The following P3H3 variants were observed in gnomAD, a reference collection of about 807,000 sequenced individuals.
P3H3 encodes the protein gene rich cluster, B.
A neutral mutation model predicts 78.1 loss-of-function variants in P3H3; 64 were observed. That is an observed-to-expected ratio of 0.82 (90% confidence interval 0.67 to 1.01). P3H3 has a LOEUF of 1.01. Among genes scored for constraint, P3H3 ranks in the 50% least tolerant of loss-of-function variants. The pLI, the probability that P3H3 is intolerant of heterozygous loss-of-function variation, is 0.00. For synonymous variants in P3H3, 425 were observed against 416.7 expected (o/e 1.02, Z -0.24); for missense variants, 975 against 982.2 (o/e 0.99, Z 0.10).
chr12:6,833,442 C>A, intron 6 of P3H3, 150 bp from the exon 7 acceptor site: 1 of 706,150 alleles, frequency 1.4e-6, no homozygotes, highest in Non-Finnish European at 2.5e-6. Flanking sequence ...GATCCACTGC[C>A]CAGGGCTCCT....
At chr12:6,832,082 G>C (rs1943455983) in intron 6 of P3H3, among the ~76,000 whole-genome samples, 168 bp downstream of exon 6, 1 of 152,136 alleles carries the variant, frequency 6.6e-6, no homozygotes. Context: ...GGCGGCTTTG[G>C]GGTCACGCAG....
intron 4 of P3H3, 89 bp downstream of exon 4, chr12:6,830,859 T>C (rs1555121309): frequency 6.4e-7 from 1 of 1,568,180 alleles, no homozygotes; most frequent in Non-Finnish European, 8.8e-7. Context: ...CATCTGTCTC[T>C]GGATTTGTAG....
At position 6,837,029 on chromosome 12, in the gene P3H3, C is replaced by T. The variant is rs782329350; in HGVS notation, c.1503C>T (p.Arg501=). The change falls in exon 10 of 15, where the codon CGC becomes CGT. Residue 501 remains arginine (R), a synonymous_variant. Coordinates refer to ENST00000290510, the MANE Select transcript of P3H3 (RefSeq NM_014262.5). The stretch of plus-strand genomic sequence containing the variant: ...CCAGGTCTGGCTATCGTGGTCGCCG[C>T]TCCCCTCACACCCCCCATGAACGCT... ...AGARSGYRGR[R]SPHTPHERFE... is the part of the protein sequence containing the mutation. 1.6e-4 allele frequency: 265 copies of T among 1,609,144 alleles called. 8 individuals carry two copies. In the South Asian group the frequency reaches 2.8e-3, roughly 17 times the overall value.
chr12:6,831,192 C>A lies in P3H3; in HGVS notation c.986-24C>A. Reference sequence around the variant, plus strand: ...GCTCTAAGTATTCATCCCCCAACCCCTGACCTTGTCGCTCCCTCTCCAGTG... The same window carrying A: ...GCTCTAAGTATTCATCCCCCAACCCATGACCTTGTCGCTCCCTCTCCAGTG... On this transcript the variant is annotated intron_variant, in intron 4 of 14. Transcript: ENST00000290510. The surrounding 1 kb of genome is among the most constrained non-coding windows in gnomAD (Gnocchi z 4.6). 1 of 1,613,742 alleles carries A rather than the reference C, an allele frequency of 6.2e-7. No individual in the cohort carries two copies. The highest frequency in any genetic ancestry group is 1.1e-5 in the South Asian group (1 of 91,066).
chr12:6,839,009 C>G lies in P3H3; in HGVS notation c.1915C>G (p.Arg639Gly), dbSNP rs564066668. Reference protein sequence around the residue: ...PNALTVTARVRPRCGRLVAFS... With the variant: ...PNALTVTARVGPRCGRLVAFS... ...GCCCTCATCCCTCCAGGCTCGGGTG[C>G]GTCCTCGCTGTGGGCGCCTTGTGGC... Residue 639 changes from arginine to glycine, a missense_variant, in exon 14 of 15, where the codon CGT (arginine) becomes GGT (glycine). By Grantham distance (125) the Arg-to-Gly change is moderately radical (BLOSUM62 -2). Transcript: ENST00000290510. 1.3e-6 allele frequency: 2 copies of G among 1,596,272 alleles called. No individual in the cohort carries two copies. The highest frequency in any genetic ancestry group is 1.7e-6 in the Non-Finnish European group (2 of 1,171,606).
chr12:6,837,863 C>T lies in P3H3; in HGVS notation c.1829+14C>T, dbSNP rs368255790. 1.9e-6 allele frequency: 3 copies of T among 1,602,090 alleles called. No homozygotes were observed. In the South Asian group the frequency reaches 3.4e-5, roughly 18 times the overall value. On this transcript the variant is annotated intron_variant, in intron 12 of 14. Transcript: ENST00000290510. ...TCGGGACTACAGGTGGGCAGCCCCT[C>T]TAGTGGTCAGGCAGGTGGGCAGACA...
chr12:6,833,753 A>T lies in P3H3; in HGVS notation c.1277A>T (p.Glu426Val), dbSNP rs782082564. 1.9e-6 allele frequency: 3 copies of T among 1,610,006 alleles called. No individual in the cohort carries two copies. In the Admixed American group the frequency reaches 5.0e-5, roughly 27 times the overall value. ...ALREKLREDQ[E>V]KRPWDHEPVK... ...CTCTCACCCCTGAGAGAGGATCAAG[A>T]GAAGAGGCCTTGGGACCATGAGCCC... Residue 426 changes from glutamate to valine, a missense_variant, in exon 8 of 15, where the codon GAG (glutamate) becomes GTG (valine). Glu to Val is a moderately radical substitution (Grantham distance 121). Transcript: ENST00000290510.
At position 6,829,045 on chromosome 12, in the gene P3H3, G is replaced by A. The variant is rs1555120922; in HGVS notation, c.498+107G>A. 4.3e-6 allele frequency: 3 copies of A among 698,460 alleles called. No homozygotes were observed. Among genetic ancestry groups the A allele is most frequent in the Admixed American group, 4.3e-5 (1 of 23,038 alleles). The allele number at this position is 698,460 out of a possible 1,614,324, so 43.3% of individuals were successfully genotyped here. A position where few individuals can be genotyped will look rare whatever the true frequency, so the allele number is the denominator to read the frequency against. On this transcript the variant is annotated intron_variant, in intron 1 of 14. Transcript: ENST00000290510. This position sits in a 1 kb window ranked among gnomAD's most constrained non-coding sequence, Gnocchi z 5.1. ...GAATGCTGTTGCCCGGGCCCCGCACGGGGCTGGGGAGCGTACCGCGGGCCT... is the reference window on the plus strand; with the variant it reads ...GAATGCTGTTGCCCGGGCCCCGCACAGGGCTGGGGAGCGTACCGCGGGCCT...
Position 6,828,833 on chromosome 12 carries a change from G to C in P3H3, c.393G>C (p.Arg131=), listed in dbSNP as rs1943412932. ...RADCLTQCAA[R]RLGPGGAARL... ...ACTGCCTGACCCAGTGCGCAGCACG[G>C]AGGCTGGGCCCCGGGGGCGCGGCGC... The change falls in exon 1 of 15, where the codon CGG becomes CGC. Residue 131 remains arginine (R), a synonymous_variant. Coordinates refer to ENST00000290510, the MANE Select transcript of P3H3 (RefSeq NM_014262.5). 8.0e-7 allele frequency: 1 copy of C among 1,242,638 alleles called. No individual in the cohort carries two copies. Among genetic ancestry groups the C allele is most frequent in the African/African-American group, 1.6e-5 (1 of 64,366 alleles). The allele number at this position is 1,242,638 out of a possible 1,614,324, so 77.0% of individuals were successfully genotyped here.
In P3H3 at chr12:6,837,739, A is replaced by G; in HGVS notation, c.1719A>G (p.Gln573=). The G allele has an allele frequency of 6.2e-7, 1 of 1,611,834 alleles. No individual in the cohort carries two copies. The highest frequency in any genetic ancestry group is 8.5e-7 in the Non-Finnish European group (1 of 1,178,960). ...LVCRSAIEGE[Q]EQRMDLSHPV... is the part of the protein sequence containing the mutation. ...GACCCCTTTGTGTCCTAGGAGAGCA[A>G]GAGCAGCGCATGGACCTGAGTCACC... is the stretch of plus-strand genomic sequence containing the variant. The change falls in exon 12 of 15, where the codon CAA becomes CAG. Residue 573 remains glutamine, a synonymous_variant. Transcript: ENST00000290510.
In P3H3 at chr12:6,830,430, T is replaced by A; in HGVS notation, c.729T>A (p.Leu243=). ...CACTGCCCAGGCTAGAGGAGGCTCT[T>A]CAGGGGAGCCTGGCCCAGATGGAGA... ...GLALPRLEEA[L]QGSLAQMESC... Residue 243 remains leucine, a synonymous_variant, in exon 3 of 15, where the codon CTT becomes CTA. Coordinates refer to ENST00000290510, the MANE Select transcript of P3H3 (RefSeq NM_014262.5). The A allele has an allele frequency of 6.3e-7, 1 of 1,587,238 alleles. No individual in the cohort carries two copies. The highest frequency in any genetic ancestry group is 8.6e-7 in the Non-Finnish European group (1 of 1,168,024).
At chr12:6,836,847 A>G (rs1297531276) in intron 9 of P3H3, 138 bp from the exon 10 acceptor site, 1 of 635,648 alleles carries the variant, frequency 1.6e-6, no homozygotes, top group Non-Finnish European at 2.8e-6. Context: ...GCAGCAGCTC[A>G]GGAAGACGAG....
intron 13 of P3H3, 128 bp downstream of exon 13, chr12:6,838,161 T>TC: frequency 8.2e-7 from 1 of 1,222,682 alleles, no homozygotes; most frequent in Non-Finnish European, 1.1e-6. Flanking sequence ...CTTCCCCGCC[T>TC]CCGCAGCCCT....
Position 6,837,094 on chromosome 12 carries a change from C to T in P3H3, c.1560+8C>T. ...GTGCTTAAGGCTGCGCAGGTGAGCA[C>T]AGGAGGCACCCGGGCCCGTCTGATG... On this transcript the variant is annotated splice_region_variant and intron_variant, in intron 10 of 14. Transcript: ENST00000290510. 6.3e-7 allele frequency: 1 copy of T among 1,597,534 alleles called. No individual in the cohort carries two copies. The highest frequency in any genetic ancestry group is 1.1e-5 in the South Asian group (1 of 90,976).
Position 6,833,986 on chromosome 12 carries a change from G to A in P3H3, c.1395G>A (p.Glu465=). 1.2e-6 allele frequency: 2 copies of A among 1,613,926 alleles called. No homozygotes were observed. Among genetic ancestry groups the A allele is most frequent in the African/African-American group, 2.7e-5 (2 of 75,072 alleles). The change falls in exon 9 of 15, where the codon GAG becomes GAA. Residue 465 remains glutamate (E), a synonymous_variant. Transcript: ENST00000290510. ...TQDSRQLNGS[E]RAVLDGLLTP... ...ATTCCAGGCAGCTGAATGGGTCGGA[G>A]CGGGCGGTGTTGGATGGGCTGCTCA...
In P3H3 at chr12:6,828,419, G is replaced by A. The variant is rs781854295; in HGVS notation, c.-22G>A. 4.2e-4 allele frequency: 140 copies of A among 336,352 alleles called. No individual in the cohort carries two copies. The East Asian group carries it at 0.012, about 28-fold the overall frequency. The allele number at this position is 336,352 out of a possible 1,614,324, so 20.8% of individuals were successfully genotyped here. On this transcript the variant is annotated 5_prime_UTR_variant, in exon 1 of 15. Transcript: ENST00000290510. ...CCTCTCGGCTCCCGCATTTCCCCTC[G>A]GCTGCCGGCGGCTCCGACATCATGC...
At chr12:6,830,928 T>C in intron 4 of P3H3, 158 bp downstream of exon 4, 1 of 1,113,666 alleles carries the variant, frequency 9.0e-7, no homozygotes, top group South Asian at 1.3e-5. Flanking sequence ...TTTGCCCTCC[T>C]TTGGCGCCTG....
In P3H3 at chr12:6,831,475, T is replaced by TC. The variant is rs1943450641; in HGVS notation, c.1122+125dup. On this transcript the variant is annotated intron_variant, in intron 5 of 14. Coordinates refer to ENST00000290510, the MANE Select transcript of P3H3 (RefSeq NM_014262.5). The surrounding 1 kb of genome is among the most constrained non-coding windows in gnomAD (Gnocchi z 4.6). ...CGAGCACTCTAGTCACCCAAAGGAC[T>TC]CCAAGTCCAGCATCTGACTTCCGTC... 1.5e-6 allele frequency: 2 copies of TC among 1,355,590 alleles called. No homozygotes were observed. Among genetic ancestry groups the TC allele is most frequent in the African/African-American group, 1.5e-5 (1 of 68,214 alleles). 84.0% of individuals were successfully genotyped at this position (1,355,590 alleles called of 1,614,324 possible). A position where few individuals can be genotyped will look rare whatever the true frequency, so the allele number is the denominator to read the frequency against.
rs371994108 is a variant in P3H3, at chr12:6,831,400, A to T, written c.1122+48A>T. ...CTGGGAGGTAGCCCCAAATCAAACAAATAGACCTGAGAAGTAACCTGGACC... is the reference window on the plus strand; with the variant it reads ...CTGGGAGGTAGCCCCAAATCAAACATATAGACCTGAGAAGTAACCTGGACC... On this transcript the variant is annotated intron_variant, in intron 5 of 14. Coordinates refer to ENST00000290510, the MANE Select transcript of P3H3 (RefSeq NM_014262.5). This position sits in a 1 kb window ranked among gnomAD's most constrained non-coding sequence, Gnocchi z 4.6. The T allele has an allele frequency of 6.2e-7, 1 of 1,608,586 alleles. No individual in the cohort carries two copies. The highest frequency in any genetic ancestry group is 8.5e-7 in the Non-Finnish European group (1 of 1,178,568).
Sources: allele counts gnomAD v4.1 joint callset (sites outside exome capture counted in the v4.1 genomes callset), GRCh38; gene constraint gnomAD v4.1.1; non-coding constraint Gnocchi (gnomAD v3.1); transcripts MANE v1.5; gene names NCBI Gene and HGNC (gene_info 2026-07-23, HGNC 2026-07-21).